The following CUBN variants were observed in gnomAD, a reference collection of about 807,000 sequenced individuals.
CUBN encodes cubilin.
CUBN carries 282 observed loss-of-function variants against 405.3 expected under a neutral mutation model. The observed-to-expected ratio is 0.70, with a 90% CI of 0.63 to 0.77. The LOEUF (loss-of-function observed/expected upper bound fraction) is 0.77, where lower values mean the gene tolerates loss of function less well. Among genes scored for constraint, CUBN ranks in the 30% least tolerant of loss-of-function variants. CUBN has a pLI of 0.00. For missense variants in CUBN, 4,514 were observed against 4,475.2 expected, an observed-to-expected ratio of 1.01 and a Z score of -0.25; for synonymous variants, 1,684 against 1,617.0, an observed-to-expected ratio of 1.04 and a Z score of -0.99.
chr10:17,110,353 T>A (rs1421125890), intron 9 of CUBN, among the ~76,000 whole-genome samples: 1 of 152,206 alleles, frequency 6.6e-6, no homozygotes. Flanking sequence ...CTCAGAAAAC[T>A]TTTCAAATTC....
chr10:17,068,477 TTCTTTG>T (rs1835663009), intron 20 of CUBN, 122 bp downstream of exon 20: 2 of 932,846 alleles, frequency 2.1e-6, no homozygotes, highest in Admixed American at 2.4e-5. Context: ...AAAATATACA[TTCTTTG>T]TCTTTGAGTG....
At chr10:16,986,730 C>T (rs1162532060) in intron 29 of CUBN, among the ~76,000 whole-genome samples, 2 of 151,936 alleles carry the variant, frequency 1.3e-5, no homozygotes, top group Non-Finnish European at 2.9e-5. Flanking sequence ...CTTTCTTTCC[C>T]ATTTTCAAGA....
chr10:17,025,610 C>T (rs1045921495), intron 27 of CUBN, among the ~76,000 whole-genome samples: 6 of 152,300 alleles, frequency 3.9e-5, no homozygotes, highest in South Asian at 4.1e-4. Flanking sequence ...AGGGAATCAA[C>T]ATTTTTTTCC....
At chr10:16,865,158 C>T (rs1263622888) in intron 59 of CUBN, among the ~76,000 whole-genome samples, 7 of 151,174 alleles carry the variant, frequency 4.6e-5, no homozygotes, top group African/African-American at 1.5e-4. Flanking sequence ...TTAGTAGAGA[C>T]GGGGTTTCAC....
At chr10:16,846,639 C>T (rs1158378768) in intron 60 of CUBN, among the ~76,000 whole-genome samples, 1 of 151,834 alleles carries the variant, frequency 6.6e-6, no homozygotes, top group African/African-American at 2.4e-5. Flanking sequence ...TGGTGAAACC[C>T]CGTCTCTACT....
At chr10:17,039,334 G>A (rs1834966935) in intron 27 of CUBN, among the ~76,000 whole-genome samples, 1 of 152,188 alleles carries the variant, frequency 6.6e-6, no homozygotes, top group Non-Finnish European at 1.5e-5. Context: ...GTTATCATTA[G>A]ACTGATACTA....
Position 17,129,773 on chromosome 10 carries a change from C to A in CUBN, c.-8G>T. ...TAAAGACATGTTCATCATCAACCTC[C>A]CAGGTTGGCAGGTAAGAGTGAGGCC... On this transcript the variant is annotated 5_prime_UTR_variant, in exon 1 of 67. Coordinates refer to ENST00000377833, the MANE Select transcript of CUBN (RefSeq NM_001081.4). The A allele has an allele frequency of 6.2e-7, 1 of 1,613,814 alleles. No individual in the cohort carries two copies. Among genetic ancestry groups the A allele is most frequent in the Non-Finnish European group, 8.5e-7 (1 of 1,179,810 alleles).
At chr10:17,074,748 G>T (rs1237639825) in intron 17 of CUBN, among the ~76,000 whole-genome samples, 3 of 152,112 alleles carry the variant, frequency 2.0e-5, no homozygotes, top group South Asian at 4.1e-4. Flanking sequence ...AGTACAGCTT[G>T]CCTAGGTTTT....
At chr10:17,008,818 G>C (rs1457851228) in intron 28 of CUBN, among the ~76,000 whole-genome samples, 1 of 152,090 alleles carries the variant, frequency 6.6e-6, no homozygotes, top group African/African-American at 2.4e-5. Flanking sequence ...ACCTAGCCTA[G>C]CTCTGTAGAG....
At position 17,019,869 on chromosome 10, in the gene CUBN, G is replaced by A. The variant is rs1290293396; in HGVS notation, c.4132C>T (p.Arg1378Cys). 11 of 1,613,958 alleles carry A rather than the reference G, an allele frequency of 6.8e-6. No individual in the cohort carries two copies. The highest frequency in any genetic ancestry group is 1.6e-4 in the Middle Eastern group (1 of 6,084). ...CACTGCATCTGAAATCCTTTCTCAC[G>A]GCGGCCAACCCCATCTGTAAGGAGC... is the stretch of plus-strand genomic sequence containing the variant. Reference protein sequence around the residue: ...VLLLTDGVGRREKGFQMQWFV... With the variant: ...VLLLTDGVGRCEKGFQMQWFV... Residue 1378 changes from arginine (R) to cysteine (C), a missense_variant, in exon 28 of 67, where the codon CGT becomes TGT. Coordinates refer to ENST00000377833, the MANE Select transcript of CUBN (RefSeq NM_001081.4).
intron 4 of CUBN, among the ~76,000 whole-genome samples, chr10:17,124,946 C>G (rs1163253181): frequency 6.6e-6 from 1 of 152,006 alleles, no homozygotes; most frequent in Admixed American, 6.6e-5. Context: ...ATTCTCATGC[C>G]TCAGCCTCCT....
intron 50 of CUBN, among the ~76,000 whole-genome samples, chr10:16,905,697 G>A (rs1422284390): frequency 2.0e-5 from 3 of 152,124 alleles, no homozygotes; most frequent in Non-Finnish European, 4.4e-5. Context: ...CTGTTCCTGG[G>A]GTTCGTTTTC....
intron 31 of CUBN, among the ~76,000 whole-genome samples, chr10:16,955,436 T>TG (rs1217361165): frequency 6.6e-6 from 1 of 151,518 alleles, no homozygotes; most frequent in East Asian, 1.9e-4. Flanking sequence ...TTTTAACTGT[T>TG]GGTCTCTGTC....
intron 28 of CUBN, among the ~76,000 whole-genome samples, chr10:17,012,260 G>T (rs1319423143): frequency 1.3e-5 from 2 of 152,172 alleles, no homozygotes; most frequent in East Asian, 3.9e-4. Context: ...CCTAGAAAGG[G>T]GAGAAGCCAT....
At chr10:16,973,067 G>A (rs1408410208) in intron 31 of CUBN, among the ~76,000 whole-genome samples, 1 of 152,126 alleles carries the variant, frequency 6.6e-6, no homozygotes, top group Non-Finnish European at 1.5e-5. Context: ...ACTACCTATA[G>A]GATAATTTCA....
At chr10:17,001,377 C>T (rs961164382) in intron 28 of CUBN, among the ~76,000 whole-genome samples, 3 of 152,194 alleles carry the variant, frequency 2.0e-5, no homozygotes, top group African/African-American at 7.2e-5. Context: ...GTCCATTTTA[C>T]AGAGCGCTGG....
intron 55 of CUBN, 43 bp from the exon 56 acceptor site, chr10:16,888,609 G>C (rs375597321): frequency 3.2e-6 from 5 of 1,576,914 alleles, no homozygotes; most frequent in Non-Finnish European, 4.4e-6. Context: ...TTTATTTCTC[G>C]TGTATCTATT....
rs1657839482 is a variant in CUBN at position 16,888,674 on chromosome 10, G to T, written c.8756-108C>A. ...AAATTATCTATAGACATAGTTCCCT[G>T]AGATATTCCAAATGGAAGAAGCAAG... On this transcript the variant is annotated intron_variant, in intron 55 of 66. Transcript: ENST00000377833. The T allele has an allele frequency of 7.6e-6, 7 of 923,796 alleles. No individual in the cohort carries two copies. In the Admixed American group the frequency reaches 1.0e-4, roughly 14 times the overall value. 57.2% of individuals were successfully genotyped at this position (923,796 alleles called of 1,614,324 possible).
rs1386445879 is a variant in CUBN at position 16,840,513 on chromosome 10, A to G, written c.9849T>C (p.Asn3283=). ...IMDMPCGGTY[N]ATWTPQNISS... The stretch of plus-strand genomic sequence containing the variant: ...AAATATTTTGTGGGGTCCAAGTTGC[A>G]TTGTATGTTCCACCACAAGGCACTG... Residue 3283 remains asparagine (N), a synonymous_variant, in exon 62 of 67, where the codon AAT becomes AAC. Transcript: ENST00000377833. The G allele has an allele frequency of 6.2e-7, 1 of 1,606,878 alleles. No individual in the cohort carries two copies. The highest frequency in any genetic ancestry group is 2.2e-5 in the East Asian group (1 of 44,730).
Sources: gnomAD v4.1 joint callset for allele counts (sites outside exome capture counted in the v4.1 genomes callset) on GRCh38, gnomAD v4.1.1 for gene constraint, MANE v1.5 for transcripts, NCBI Gene and HGNC (gene_info 2026-07-23, HGNC 2026-07-21) for gene names.